The following RFX3 variants were observed in gnomAD, a reference collection of about 807,000 sequenced individuals.
The protein encoded by RFX3 is regulatory factor X3, also known as transcription factor RFX3.
RFX3 carries 14 observed loss-of-function variants against 98.6 expected under a neutral mutation model. That is an observed-to-expected ratio of 0.14 (90% CI 0.09 to 0.22). RFX3 has a LOEUF of 0.22. RFX3 is among the 10% of genes least tolerant of loss of function. The pLI is 1.00. For synonymous variants in RFX3, 383 were observed against 328.4 expected, an observed-to-expected ratio of 1.17 and a Z score of -1.80; for missense variants, 639 against 926.9, an observed-to-expected ratio of 0.69 and a Z score of 4.03.
chr9:3,292,978 A>T (rs1359932574), intron 6 of RFX3, 99 bp downstream of exon 6: 1 of 914,760 alleles, frequency 1.1e-6, no homozygotes, highest in Non-Finnish European at 1.7e-6. Context: ...ATTTCCTTAT[A>T]TATTGTCTGT....
intron 10 of RFX3, 73 bp from the exon 11 acceptor site, chr9:3,270,598 T>A: frequency 6.9e-7 from 1 of 1,454,600 alleles, no homozygotes. Flanking sequence ...TTAAAAATAG[T>A]TTAAGTTTAC....
chr9:3,500,991 T>C (rs1815939101), intron 1 of RFX3, among the ~76,000 whole-genome samples: 2 of 152,202 alleles, frequency 1.3e-5, no homozygotes, highest in African/African-American at 4.8e-5. Flanking sequence ...ATATCTATAT[T>C]GGCAGTGTCA....
At chr9:3,364,997 A>T (rs1836881247) in intron 2 of RFX3, among the ~76,000 whole-genome samples, 1 of 152,042 alleles carries the variant, frequency 6.6e-6, no homozygotes, top group Non-Finnish European at 1.5e-5. Context: ...TTTATAGAAA[A>T]CAGTTAAGTA....
intron 1 of RFX3, among the ~76,000 whole-genome samples, chr9:3,508,702 T>C (rs2133810297): frequency 6.6e-6 from 1 of 152,072 alleles, no homozygotes; most frequent in East Asian, 1.9e-4. Flanking sequence ...TAAAAGCAAA[T>C]GACAAGCGGT....
intron 1 of RFX3, among the ~76,000 whole-genome samples, chr9:3,486,236 C>G (rs536862471): frequency 1.3e-5 from 2 of 151,644 alleles, no homozygotes; most frequent in Non-Finnish European, 2.9e-5. Flanking sequence ...ACCAAATATC[C>G]CTCTCTACCC....
intron 2 of RFX3, among the ~76,000 whole-genome samples, chr9:3,381,513 G>C (rs1839192894): frequency 6.6e-6 from 1 of 152,066 alleles, no homozygotes; most frequent in South Asian, 2.1e-4. Context: ...ATGTAAATCT[G>C]TATTATGGTT....
intron 12 of RFX3, among the ~76,000 whole-genome samples, chr9:3,263,377 A>G (rs995224008): frequency 6.6e-6 from 1 of 152,152 alleles, no homozygotes; most frequent in African/African-American, 2.4e-5. Context: ...ATCCACAGTA[A>G]GAAATGACTT....
chr9:3,521,120 G>A (rs1465639707), intron 1 of RFX3, among the ~76,000 whole-genome samples: 1 of 152,026 alleles, frequency 6.6e-6, no homozygotes, highest in Non-Finnish European at 1.5e-5. Context: ...TATAAGAATG[G>A]ACAATTATTG....
chr9:3,293,282 C>G (rs767628075), intron 5 of RFX3, 24 bp from the exon 6 acceptor site: 1 of 1,551,714 alleles, frequency 6.4e-7, no homozygotes, highest in South Asian at 1.2e-5. Flanking sequence ...ACACAATAAA[C>G]ACAGACAAAT....
chr9:3,354,745 C>G (rs988093128), intron 2 of RFX3, among the ~76,000 whole-genome samples: 1 of 151,704 alleles, frequency 6.6e-6, no homozygotes, highest in African/African-American at 2.4e-5. Flanking sequence ...TAGATGGAAA[C>G]TGAGATCTAC....
At chr9:3,379,718 G>C (rs1363424709) in intron 2 of RFX3, among the ~76,000 whole-genome samples, 1 of 152,048 alleles carries the variant, frequency 6.6e-6, no homozygotes, top group East Asian at 1.9e-4. Flanking sequence ...ACCACACTTT[G>C]AGAAACACTA....
intron 15 of RFX3, chr9:3,247,462 A>T: frequency 3.0e-6 from 2 of 668,918 alleles, no homozygotes; most frequent in Non-Finnish European, 3.7e-6. Flanking sequence ...TAAACCTCGG[A>T]TGCTTATTGT....
intron 2 of RFX3, among the ~76,000 whole-genome samples, chr9:3,383,006 A>C (rs1839351104): frequency 6.6e-6 from 1 of 152,106 alleles, no homozygotes; most frequent in South Asian, 2.1e-4. Context: ...CACTTTTTGA[A>C]CTTATTTCAG....
chr9:3,317,570 G>C (rs1309127326), intron 4 of RFX3, among the ~76,000 whole-genome samples: 1 of 152,176 alleles, frequency 6.6e-6, no homozygotes, highest in African/African-American at 2.4e-5. Context: ...ACTACCATCA[G>C]AGTGAACAGA....
intron 3 of RFX3, among the ~76,000 whole-genome samples, chr9:3,337,642 T>C (rs115833691): frequency 2.2e-3 from 336 of 152,292 alleles, no homozygotes; most frequent in African/African-American, 7.8e-3. Context: ...ATGGCTGCAG[T>C]GGTGTGGTGT....
At chr9:3,258,878 C>T (rs888574489) in intron 13 of RFX3, among the ~76,000 whole-genome samples, 8 of 151,058 alleles carry the variant, frequency 5.3e-5, no homozygotes, top group Non-Finnish European at 3.0e-5. Context: ...ACACATATAT[C>T]TACACATACA....
At chr9:3,299,275 C>A (rs1257066593) in intron 5 of RFX3, among the ~76,000 whole-genome samples, 1 of 151,644 alleles carries the variant, frequency 6.6e-6, no homozygotes, top group Non-Finnish European at 1.5e-5. Context: ...CATGCACTAG[C>A]AAATTCCAGT....
chr9:3,395,881 T>C (rs917746866), intron 1 of RFX3, among the ~76,000 whole-genome samples: 1 of 152,202 alleles, frequency 6.6e-6, no homozygotes, highest in Admixed American at 6.5e-5. Flanking sequence ...TTGTTATAAA[T>C]TGTTTAAATC....
chr9:3,411,387 G>A (rs567356712), intron 1 of RFX3, among the ~76,000 whole-genome samples: 1 of 151,864 alleles, frequency 6.6e-6, no homozygotes, highest in African/African-American at 2.4e-5. Flanking sequence ...TTTTGAGACA[G>A]GGTCTCATTC....
Sources: gnomAD v4.1 joint callset for allele counts (sites outside exome capture counted in the v4.1 genomes callset) on GRCh38, gnomAD v4.1.1 for gene constraint, MANE v1.5 for transcripts, NCBI Gene and HGNC (gene_info 2026-07-23, HGNC 2026-07-21) for gene names.